The following DLGAP2 variants were observed in gnomAD, a reference collection of about 807,000 sequenced individuals.
DLGAP2 encodes the protein DLG associated protein 2, also known as disks large-associated protein 2.
DLGAP2 carries 26 observed loss-of-function variants against 100.3 expected under a neutral mutation model. The ratio of observed to expected loss-of-function variants is 0.26; its 90% CI spans 0.19 to 0.36. The LOEUF (loss-of-function observed/expected upper bound fraction) is 0.36. DLGAP2 is among the 10% of genes least tolerant of loss of function. The probability of loss-of-function intolerance (pLI) is 1.00; values close to 1 mark genes in which losing one functional copy is unlikely to be tolerated. For missense variants in DLGAP2, 1,858 were observed against 1,453.2 expected, an observed-to-expected ratio of 1.28 and a Z score of -4.53; for synonymous variants, 886 against 630.1, an observed-to-expected ratio of 1.41 and a Z score of -6.08.
At chr8:1,293,560 C>T (rs923093921) in intron 3 of DLGAP2, among the ~76,000 whole-genome samples, 15 of 152,178 alleles carry the variant, frequency 9.9e-5, no homozygotes, top group Non-Finnish European at 1.6e-4. Context: ...AAATAACCTA[C>T]GTATTTCTTC....
chr8:1,616,176 A>G lies in DLGAP2; in HGVS notation c.1443-10564A>G, dbSNP rs1034855796. ...GCAGGAAAAAAGCTTAGTAATTTGA[A>G]AATGAAACAGTAGATATTCTCAAAT... On this transcript the variant is annotated intron_variant, in intron 6 of 14. Coordinates refer to ENST00000637795, the MANE Select transcript of DLGAP2 (RefSeq NM_001346810.2). Among the ~76,000 whole-genome samples, 2 of 152,204 alleles carry G rather than the reference A, an allele frequency of 1.3e-5. 1 individual carries two copies. The highest frequency in any genetic ancestry group is 4.1e-4 in the South Asian group (2 of 4,832).
chr8:952,344 G>A (rs961689396), intron 2 of DLGAP2, among the ~76,000 whole-genome samples: 5 of 152,162 alleles, frequency 3.3e-5, no homozygotes, highest in Admixed American at 6.5e-5. Flanking sequence ...TATTGCATTC[G>A]AAATTAAAAT....
chr8:1,625,972 G>T (rs1376100129), intron 6 of DLGAP2, among the ~76,000 whole-genome samples: 1 of 151,928 alleles, frequency 6.6e-6, no homozygotes, highest in Admixed American at 6.6e-5. Context: ...CCTGTGGCGG[G>T]TGCTCAGCCT....
rs1563156256 is a variant in DLGAP2 at position 1,449,833 on chromosome 8, G to GAGGC, written c.107-51533_107-51532insAGGC. Among the ~76,000 whole-genome samples, 88 of 146,794 alleles carry GAGGC rather than the reference G, an allele frequency of 6.0e-4. 15 individuals are homozygous for GAGGC. Among genetic ancestry groups the GAGGC allele is most frequent in the Middle Eastern group, 3.6e-3 (1 of 280 alleles). ...GACGAGGTGGGCGGCCTCGGTGGCT[G>GAGGC]TGACTGTAGCGGAGCTGTGAGGGTG... On this transcript the variant is annotated intron_variant, in intron 3 of 14. Coordinates refer to ENST00000637795, the MANE Select transcript of DLGAP2 (RefSeq NM_001346810.2).
chr8:1,538,860 T>C (rs1306621103), intron 4 of DLGAP2, among the ~76,000 whole-genome samples: 41 of 148,722 alleles, frequency 2.8e-4, no homozygotes, highest in African/African-American at 1.0e-3. Flanking sequence ...GCACAGCCCC[T>C]CGTGTCATGA....
intron 1 of DLGAP2, among the ~76,000 whole-genome samples, chr8:761,913 C>T (rs779783082): frequency 6.6e-6 from 1 of 152,164 alleles, no homozygotes; most frequent in Non-Finnish European, 1.5e-5. Context: ...AAGTGAACGC[C>T]CCTGAAGGCT....
At chr8:1,155,905 G>A (rs59493949) in intron 2 of DLGAP2, among the ~76,000 whole-genome samples, 4,852 of 152,290 alleles carry the variant, frequency 0.032, 276 homozygotes, top group African/African-American at 0.11. Context: ...GGGGAGGCCA[G>A]TATGCAGAGG....
At chr8:1,185,731 ACT>A (rs145712860) in intron 2 of DLGAP2, among the ~76,000 whole-genome samples, 4 of 39,490 alleles carry the variant, frequency 1.0e-4, no homozygotes, top group Non-Finnish European at 2.0e-4. Context: ...ACACACTCAC[ACT>A]CACACACACA....
At chr8:784,935 C>T (rs11777702) in intron 1 of DLGAP2, among the ~76,000 whole-genome samples, 126,062 of 152,008 alleles carry the variant, frequency 0.83, 52,495 homozygotes, top group Admixed American at 0.87. Context: ...TGGCTGGGCA[C>T]GGTGGCTCAC....
intron 5 of DLGAP2, among the ~76,000 whole-genome samples, chr8:1,557,489 G>T (rs1802004860): frequency 6.6e-6 from 1 of 152,082 alleles, no homozygotes; most frequent in African/African-American, 2.4e-5. Context: ...GGTCTCGGCC[G>T]ATTCTGAGAG....
chr8:1,267,248 TAAAATA>T (rs150438714), intron 3 of DLGAP2, among the ~76,000 whole-genome samples: 67,501 of 112,396 alleles, frequency 0.6, 17,261 homozygotes, highest in African/African-American at 0.61. Flanking sequence ...AATAAATAAA[TAAAATA>T]AAATAAAATA....
intron 2 of DLGAP2, among the ~76,000 whole-genome samples, chr8:1,242,794 AGATG>A (rs1798826381): frequency 6.6e-6 from 1 of 151,948 alleles, no homozygotes; most frequent in East Asian, 1.9e-4. Flanking sequence ...ACGGACAGAT[AGATG>A]GATGGACGGA....
At chr8:813,957 C>G (rs1422952721) in intron 1 of DLGAP2, among the ~76,000 whole-genome samples, 1 of 152,076 alleles carries the variant, frequency 6.6e-6, no homozygotes, top group Admixed American at 6.5e-5. Flanking sequence ...TACAGGACAT[C>G]TAAAGGGAAT....
intron 12 of DLGAP2, among the ~76,000 whole-genome samples, chr8:1,685,092 G>T (rs1335160698): frequency 6.6e-6 from 1 of 151,598 alleles, no homozygotes; most frequent in African/African-American, 2.4e-5. Context: ...GCCGGGGTCA[G>T]ATGTGTGACT....
chr8:1,175,205 C>T (rs989983637), intron 2 of DLGAP2, among the ~76,000 whole-genome samples: 3 of 151,998 alleles, frequency 2.0e-5, no homozygotes, highest in African/African-American at 7.2e-5. Context: ...TAACTAGTAA[C>T]CCGCAGTGAG....
At chr8:1,480,476 A>T (rs1034856856) in intron 3 of DLGAP2, among the ~76,000 whole-genome samples, 10 of 152,200 alleles carry the variant, frequency 6.6e-5, no homozygotes, top group African/African-American at 9.7e-5. Flanking sequence ...CATTGAAGCA[A>T]ACGCACGGCT....
At chr8:817,472 G>T (rs1336867979) in intron 1 of DLGAP2, among the ~76,000 whole-genome samples, 1 of 152,186 alleles carries the variant, frequency 6.6e-6, no homozygotes, top group Non-Finnish European at 1.5e-5. Flanking sequence ...GCAATTCAGA[G>T]ATTTCTTCTT....
Position 1,691,537 on chromosome 8 carries a change from C to G in DLGAP2, c.2707C>G (p.Leu903Val), listed in dbSNP as rs367910620. The change falls in exon 13 of 15, where the codon CTC becomes GTC. Residue 903 changes from leucine (L) to valine (V), a missense_variant and splice_region_variant. Physicochemically the swap from Leu to Val is conservative, Grantham distance 32. Coordinates refer to ENST00000637795, the MANE Select transcript of DLGAP2 (RefSeq NM_001346810.2). ...AEENDLSEEI[L>V]GKIRSAVGSA... ...GTTTTTGTTTTTGTTTTAAACAGTT[C>G]TCGGTAAAATCAGGAGTGCTGTTGG... 2.0e-5 allele frequency: 33 copies of G among 1,612,986 alleles called. No individual in the cohort carries two copies. Among genetic ancestry groups the G allele is most frequent in the Non-Finnish European group, 2.4e-5 (28 of 1,179,656 alleles).
At chr8:1,555,461 C>G (rs1218293993) in intron 5 of DLGAP2, among the ~76,000 whole-genome samples, 1 of 152,212 alleles carries the variant, frequency 6.6e-6, no homozygotes, top group Non-Finnish European at 1.5e-5. Flanking sequence ...TGCCCTGCCT[C>G]TGGGCCACCG....
Sources: allele counts gnomAD v4.1 joint callset (sites outside exome capture counted in the v4.1 genomes callset), GRCh38; gene constraint gnomAD v4.1.1; transcripts MANE v1.5; gene names NCBI Gene and HGNC (gene_info 2026-07-23, HGNC 2026-07-21).